SCFD2: variants seen among roughly 807,000 people sequenced by gnomAD.
SCFD2 encodes the protein sec1 family domain containing 2.
SCFD2 carries 54 observed loss-of-function variants against 58.9 expected under a neutral mutation model. The observed-to-expected ratio is 0.92, with a 90% CI of 0.74 to 1.15. SCFD2 has a LOEUF of 1.15. Among genes scored for constraint, SCFD2 ranks in the 50% most tolerant of loss-of-function variants. The pLI, the probability that SCFD2 is intolerant of heterozygous loss-of-function variation, is 0.00. For synonymous variants in SCFD2, 321 were observed against 335.9 expected, an observed-to-expected ratio of 0.96 and a Z score of 0.49; for missense variants, 805 against 836.6, an observed-to-expected ratio of 0.96 and a Z score of 0.47.
chr4:53,161,567 A>G (rs1437427418), intron 4 of SCFD2, among the ~76,000 whole-genome samples: 1 of 152,134 alleles, frequency 6.6e-6, no homozygotes, highest in Non-Finnish European at 1.5e-5. Flanking sequence ...GGAGATATAA[A>G]CTTTTTTGTA....
intron 2 of SCFD2, among the ~76,000 whole-genome samples, chr4:53,351,168 T>G (rs1418525030): frequency 6.6e-6 from 1 of 152,206 alleles, no homozygotes; most frequent in African/African-American, 2.4e-5. Flanking sequence ...GTAAAATGCT[T>G]GGAAGTGTAT....
intron 4 of SCFD2, among the ~76,000 whole-genome samples, chr4:53,146,447 T>A (rs562557630): frequency 6.6e-6 from 1 of 152,304 alleles, no homozygotes; most frequent in Admixed American, 6.5e-5. Flanking sequence ...TTATATTCAA[T>A]ACAAATTGAA....
chr4:53,047,637 C>T (rs74615716), intron 5 of SCFD2, among the ~76,000 whole-genome samples: 1,771 of 152,220 alleles, frequency 0.012, 29 homozygotes, highest in African/African-American at 0.04. Flanking sequence ...CATGTTACAC[C>T]GTCTTACGAT....
intron 5 of SCFD2, among the ~76,000 whole-genome samples, chr4:53,038,291 T>C (rs1041388680): frequency 6.6e-6 from 1 of 152,196 alleles, no homozygotes; most frequent in African/African-American, 2.4e-5. Flanking sequence ...TCCAGCCTCC[T>C]GGAGTTGGCA....
At chr4:52,973,539 C>T (rs1249064759) in intron 5 of SCFD2, among the ~76,000 whole-genome samples, 1 of 152,088 alleles carries the variant, frequency 6.6e-6, no homozygotes, top group African/African-American at 2.4e-5. Flanking sequence ...AGCTTACCAA[C>T]CAAAAAAACT....
At chr4:53,038,460 G>A (rs1424888140) in intron 5 of SCFD2, among the ~76,000 whole-genome samples, 1 of 152,130 alleles carries the variant, frequency 6.6e-6, no homozygotes, top group East Asian at 1.9e-4. Context: ...CCTTACAGAT[G>A]TTCAAATGTT....
chr4:52,966,018 A>G (rs912460030), intron 5 of SCFD2, among the ~76,000 whole-genome samples: 2 of 152,174 alleles, frequency 1.3e-5, no homozygotes, highest in Non-Finnish European at 2.9e-5. Context: ...CTTTCTTGGG[A>G]CAAGAATTAA....
At chr4:53,337,037 G>A (rs1344242464) in intron 2 of SCFD2, among the ~76,000 whole-genome samples, 1 of 95,926 alleles carries the variant, frequency 1.0e-5, no homozygotes, top group East Asian at 2.6e-4. Context: ...TAAATGATGG[G>A]TGTATTAGTC....
chr4:53,216,566 T>C (rs998052552), intron 4 of SCFD2, among the ~76,000 whole-genome samples: 6 of 152,112 alleles, frequency 3.9e-5, no homozygotes, highest in Admixed American at 1.3e-4. Context: ...GCTAGCTGTC[T>C]ATCAATTTTG....
At chr4:53,249,717 A>G (rs555222286) in intron 4 of SCFD2, among the ~76,000 whole-genome samples, 1 of 152,162 alleles carries the variant, frequency 6.6e-6, no homozygotes, top group Non-Finnish European at 1.5e-5. Context: ...CCTTCATAAG[A>G]GAAGGAGAAA....
intron 4 of SCFD2, among the ~76,000 whole-genome samples, chr4:53,175,504 G>A (rs928247691): frequency 1.3e-5 from 2 of 152,062 alleles, no homozygotes; most frequent in African/African-American, 4.8e-5. Context: ...ATTCATTATA[G>A]ACTGAAATTA....
intron 2 of SCFD2, among the ~76,000 whole-genome samples, chr4:53,351,485 T>C (rs1053166443): frequency 6.6e-6 from 1 of 152,234 alleles, no homozygotes; most frequent in African/African-American, 2.4e-5. Flanking sequence ...GTATAAATCA[T>C]GACTCCCCAA....
chr4:53,124,475 T>C (rs1035878594), intron 5 of SCFD2, among the ~76,000 whole-genome samples: 27 of 152,072 alleles, frequency 1.8e-4, no homozygotes, highest in African/African-American at 6.5e-4. Context: ...GAAAGAAAAA[T>C]AGGAGACTCA....
At chr4:53,356,368 C>T (rs1734398919) in intron 1 of SCFD2, among the ~76,000 whole-genome samples, 3 of 152,208 alleles carry the variant, frequency 2.0e-5, no homozygotes, top group Admixed American at 2.0e-4. Flanking sequence ...AGCCCACACT[C>T]AAGGGCAGGG....
chr4:53,319,765 C>T (rs1183783643), intron 2 of SCFD2, among the ~76,000 whole-genome samples: 3 of 152,168 alleles, frequency 2.0e-5, no homozygotes, highest in Admixed American at 2.0e-4. Flanking sequence ...CTCCTGACCT[C>T]AGGTGATCCA....
chr4:53,264,977 G>A (rs1730937613), intron 4 of SCFD2, among the ~76,000 whole-genome samples: 1 of 151,978 alleles, frequency 6.6e-6, no homozygotes, highest in Non-Finnish European at 1.5e-5. Context: ...TTCCAAGCTG[G>A]ATTGCTTTAA....
intron 2 of SCFD2, among the ~76,000 whole-genome samples, chr4:53,327,780 T>C (rs149590451): frequency 6.6e-6 from 1 of 152,212 alleles, no homozygotes. Flanking sequence ...TTAAAATCAA[T>C]CCTTGTGATG....
At chr4:53,166,277 T>C (rs538216847) in intron 4 of SCFD2, among the ~76,000 whole-genome samples, 1 of 152,386 alleles carries the variant, frequency 6.6e-6, no homozygotes, top group East Asian at 1.9e-4. Context: ...GATGTATCTG[T>C]ATATCTTTTT....
chr4:53,176,700 A>G (rs1320940816), intron 4 of SCFD2, among the ~76,000 whole-genome samples: 3 of 152,230 alleles, frequency 2.0e-5, no homozygotes, highest in Non-Finnish European at 1.5e-5. Context: ...CTGTAATCCC[A>G]GCACTTTGGG....
Sources: allele counts gnomAD v4.1 joint callset (sites outside exome capture counted in the v4.1 genomes callset), GRCh38; gene constraint gnomAD v4.1.1; transcripts MANE v1.5; gene names NCBI Gene and HGNC (gene_info 2026-07-23, HGNC 2026-07-21).